Variants in ZBTB40 observed in about 807,000 individuals in gnomAD.
ZBTB40 encodes the protein zinc finger and BTB domain-containing protein 40.
Under a neutral mutation model 117.5 loss-of-function variants are expected in ZBTB40, and 60 were observed. The observed-to-expected ratio is 0.51, with a 90% CI of 0.41 to 0.63. The LOEUF (loss-of-function observed/expected upper bound fraction) is 0.63, where lower values mean the gene tolerates loss of function less well. ZBTB40 is among the 30% of genes least tolerant of loss of function. ZBTB40 has a pLI of 0.00. For missense variants in ZBTB40, 1,287 were observed against 1,498.5 expected (o/e 0.86, Z 2.33); for synonymous variants, 525 against 577.1 (o/e 0.91, Z 1.29).
intron 1 of ZBTB40, 36 bp downstream of exon 1, chr1:22,452,040 G>A (rs1397137903): frequency 6.5e-6 from 1 of 152,728 alleles, no homozygotes; most frequent in Non-Finnish European, 1.5e-5. Context: ...TCCGCGTGGA[G>A]ACCCTTCCTG....
intron 5 of ZBTB40, among the ~76,000 whole-genome samples, chr1:22,502,824 A>G (rs920387189): frequency 5.3e-5 from 8 of 152,178 alleles, no homozygotes; most frequent in Non-Finnish European, 8.8e-5. Context: ...AATGTTAAGG[A>G]AATTTTGTAA....
chr1:22,501,190 C>T (rs1282339760), intron 3 of ZBTB40, among the ~76,000 whole-genome samples: 1 of 152,054 alleles, frequency 6.6e-6, no homozygotes, highest in Non-Finnish European at 1.5e-5. Flanking sequence ...TGACAAATGT[C>T]AAATTAAAAG....
intron 1 of ZBTB40, among the ~76,000 whole-genome samples, chr1:22,433,200 G>A (rs146907244): frequency 0.042 from 6,367 of 151,876 alleles, 155 homozygotes; most frequent in Middle Eastern, 0.16. Context: ...TTGGGAAGCC[G>A]AGGCAGGTGG....
chr1:22,522,641 G>A (rs79845147), intron 16 of ZBTB40, among the ~76,000 whole-genome samples, 178 bp downstream of exon 16: 9 of 152,140 alleles, frequency 5.9e-5, no homozygotes, highest in Non-Finnish European at 1.0e-4. Flanking sequence ...AAAACTGAAG[G>A]CCTTGGCATC....
intron 5 of ZBTB40, 120 bp from the exon 6 acceptor site, chr1:22,505,929 C>T: frequency 1.0e-6 from 1 of 984,514 alleles, no homozygotes; most frequent in Non-Finnish European, 1.6e-6. Context: ...TAGAGACCAA[C>T]AGAAGAGGAC....
At chr1:22,462,310 G>T (rs1641151360) in intron 1 of ZBTB40, among the ~76,000 whole-genome samples, 1 of 152,132 alleles carries the variant, frequency 6.6e-6, no homozygotes, top group African/African-American at 2.4e-5. Context: ...TTTGTGATTT[G>T]GGGCAGGTCA....
chr1:22,496,500 C>G (rs1361112454), intron 3 of ZBTB40, among the ~76,000 whole-genome samples: 1 of 152,204 alleles, frequency 6.6e-6, no homozygotes, highest in African/African-American at 2.4e-5. Context: ...AACACCAGAC[C>G]AGCTGAATTG....
chr1:22,520,979 G>C (rs968031692), intron 14 of ZBTB40, among the ~76,000 whole-genome samples: 14 of 152,232 alleles, frequency 9.2e-5, no homozygotes, highest in Non-Finnish European at 2.1e-4. Flanking sequence ...TCCCAGTGCT[G>C]CTCTGGAACC....
intron 1 of ZBTB40, among the ~76,000 whole-genome samples, chr1:22,433,058 G>C (rs890199052): frequency 2.0e-5 from 3 of 152,136 alleles, no homozygotes; most frequent in Admixed American, 2.0e-4. Flanking sequence ...TGTATCCTTG[G>C]GTTCCACATC....
At chr1:22,468,160 A>G (rs939979120) in intron 1 of ZBTB40, among the ~76,000 whole-genome samples, 8 of 151,970 alleles carry the variant, frequency 5.3e-5, no homozygotes, top group Non-Finnish European at 8.8e-5. Context: ...TGCTAAAGCA[A>G]TTCAGGTGCA....
At chr1:22,437,492 C>T (rs1183481119) in intron 1 of ZBTB40, among the ~76,000 whole-genome samples, 1 of 151,212 alleles carries the variant, frequency 6.6e-6, no homozygotes, top group Non-Finnish European at 1.5e-5. Flanking sequence ...ACAATCTCAG[C>T]TCACTGCAAC....
Position 22,433,386 on chromosome 1 carries a change from T to A in ZBTB40, c.-70+4372T>A, listed in dbSNP as rs184094795. 3.6e-3 allele frequency among the ~76,000 whole-genome samples: 415 copies of A among 116,106 alleles called. 1 individual carries two copies. The highest frequency in any genetic ancestry group is 0.03 in the Middle Eastern group (4 of 134). 76.2% of individuals were successfully genotyped at this position (116,106 alleles called of 152,430 possible). A position where few individuals can be genotyped will look rare whatever the true frequency, so the allele number is the denominator to read the frequency against. ...AGGCAGAGCTTGCAGTGAGCCAATA[T>A]CGCACCACTGCACTCCAGCCTGGGC... On this transcript the variant is annotated intron_variant, in intron 1 of 8. Coordinates refer to the ZBTB40 transcript ENST00000650433.
At chr1:22,455,040 T>C (rs563460570) in intron 1 of ZBTB40, among the ~76,000 whole-genome samples, 36 of 152,340 alleles carry the variant, frequency 2.4e-4, no homozygotes, top group Non-Finnish European at 5.0e-4. Context: ...GTGTTTCTGC[T>C]TGGAGAGGAA....
chr1:22,492,281 G>T (rs1638654223), intron 3 of ZBTB40, among the ~76,000 whole-genome samples: 1 of 152,170 alleles, frequency 6.6e-6, no homozygotes, highest in Non-Finnish European at 1.5e-5. Context: ...ATATATAAGT[G>T]CTTAGGAATC....
chr1:22,443,704 C>G (rs1024288186), intron 1 of ZBTB40, among the ~76,000 whole-genome samples: 9 of 152,220 alleles, frequency 5.9e-5, no homozygotes, highest in African/African-American at 2.2e-4. Context: ...ATTTCCCCCG[C>G]AAGAGACGGC....
intron 1 of ZBTB40, among the ~76,000 whole-genome samples, chr1:22,443,766 AC>A (rs766802894): frequency 2.6e-5 from 4 of 152,188 alleles, no homozygotes; most frequent in East Asian, 3.8e-4. Context: ...GGGGTAAAAT[AC>A]TTTGATTTCC....
intron 6 of ZBTB40, 126 bp from the exon 7 acceptor site, chr1:22,507,875 G>A: frequency 7.1e-7 from 1 of 1,407,902 alleles, no homozygotes; most frequent in African/African-American, 1.4e-5. Context: ...CCCAAGCCAG[G>A]GCTCTGCAGA....
rs1423105979 is a variant in ZBTB40, at chr1:22,517,406, CTG to C, written c.2778_2779del (p.Cys926TrpfsTer25). The part of the protein sequence containing the change: ...TGDKPYVCRD[C>X]GKGFRQANGL... ...GGGACAAGCCCTATGTCTGCAGAGA[CTG>C]TGGCAAGGGCTTCCGGCAAGCCAAT... On this transcript the variant is annotated frameshift_variant, in exon 13 of 18. Coordinates refer to ENST00000375647, the MANE Select transcript of ZBTB40 (RefSeq NM_014870.4). LOFTEE classifies it high-confidence loss of function. 1.2e-6 allele frequency: 2 copies of C among 1,614,178 alleles called. No homozygotes were observed. Among genetic ancestry groups the C allele is most frequent in the Admixed American group, 1.7e-5 (1 of 60,030 alleles).
At chr1:22,444,410 G>A (rs1292536872) in intron 1 of ZBTB40, among the ~76,000 whole-genome samples, 10 of 151,972 alleles carry the variant, frequency 6.6e-5, no homozygotes, top group East Asian at 1.9e-4. Context: ...GAGAGACTCC[G>A]TCTCAAAATA....
Sources: allele counts gnomAD v4.1 joint callset (sites outside exome capture counted in the v4.1 genomes callset), GRCh38; gene constraint gnomAD v4.1.1; transcripts MANE v1.5; gene names NCBI Gene and HGNC (gene_info 2026-07-23, HGNC 2026-07-21).